PI4KA: variants seen among roughly 807,000 people sequenced by gnomAD.
PI4KA encodes PI4-kinase alpha.
Under a neutral mutation model 271.4 loss-of-function variants are expected in PI4KA, and 122 were observed. The ratio of observed to expected loss-of-function variants is 0.45; its 90% CI spans 0.39 to 0.52. The LOEUF (loss-of-function observed/expected upper bound fraction) is 0.52. Ranked by LOEUF, PI4KA falls within the 20% of genes least tolerant of loss-of-function variation. The pLI is 0.00. For missense variants in PI4KA, 1,969 were observed against 2,769.1 expected, an observed-to-expected ratio of 0.71 and a Z score of 6.48; for synonymous variants, 1,041 against 1,078.8, an observed-to-expected ratio of 0.96 and a Z score of 0.69.
At chr22:20,766,964 G>A (rs1569007276) in intron 19 of PI4KA, among the ~76,000 whole-genome samples, 1 of 152,072 alleles carries the variant, frequency 6.6e-6, no homozygotes, top group South Asian at 2.1e-4. Context: ...AAGCAATTTG[G>A]TAATATGCAT....
chr22:20,760,663 T>A (rs1427813930), intron 23 of PI4KA, among the ~76,000 whole-genome samples: 1 of 152,148 alleles, frequency 6.6e-6, no homozygotes, highest in Admixed American at 6.5e-5. Flanking sequence ...CCTTCCCAGT[T>A]TCCATCTCTC....
At chr22:20,835,663 TGAAGACTG>T (rs927570603) in intron 2 of PI4KA, among the ~76,000 whole-genome samples, 1 of 150,996 alleles carries the variant, frequency 6.6e-6, no homozygotes, top group Non-Finnish European at 1.5e-5. Context: ...GCATGGGAGG[TGAAGACTG>T]CAGTAAGTCA....
At chr22:20,763,514 A>G (rs1377973570) in intron 22 of PI4KA, among the ~76,000 whole-genome samples, 2 of 149,078 alleles carry the variant, frequency 1.3e-5, no homozygotes, top group Non-Finnish European at 3.0e-5. Context: ...ATCTCAGCTC[A>G]CTACAAGCTC....
chr22:20,763,263 C>T (rs544189737), intron 22 of PI4KA, among the ~76,000 whole-genome samples: 42 of 151,944 alleles, frequency 2.8e-4, no homozygotes, highest in Non-Finnish European at 5.3e-4. Flanking sequence ...AGGCATGCAC[C>T]ACCACATCCA....
In PI4KA at chr22:20,820,014, T is replaced by G. The variant is rs1041939747; in HGVS notation, c.530-114A>C. 49 of 947,574 alleles carry G rather than the reference T, an allele frequency of 5.2e-5. No individual in the cohort carries two copies. In the African/African-American group the frequency reaches 8.0e-4, roughly 15 times the overall value. The allele number at this position is 947,574 out of a possible 1,614,324, so 58.7% of individuals were successfully genotyped here. ...TTCACAACCCACCCACTAATAACTG[T>G]GAAGGTTCACAATAAGCCACAATAA... On this transcript the variant is annotated intron_variant, in intron 5 of 54. Coordinates refer to ENST00000255882, the MANE Select transcript of PI4KA (RefSeq NM_058004.4).
intron 45 of PI4KA, among the ~76,000 whole-genome samples, chr22:20,715,695 G>A (rs1222059249): frequency 7.3e-5 from 11 of 151,182 alleles, no homozygotes; most frequent in Non-Finnish European, 1.3e-4. Context: ...GGCTGGTCTG[G>A]AACTCCTTAC....
At chr22:20,804,433 T>A (rs1367169706) in intron 11 of PI4KA, 33 bp from the exon 12 acceptor site, 1 of 1,412,134 alleles carries the variant, frequency 7.1e-7, no homozygotes, top group South Asian at 1.1e-5. Flanking sequence ...AGATGAGTGA[T>A]CAGCACAGGC....
intron 35 of PI4KA, 24 bp from the exon 36 acceptor site, chr22:20,733,122 A>C: frequency 6.2e-7 from 1 of 1,611,826 alleles, no homozygotes; most frequent in South Asian, 1.1e-5. Flanking sequence ...TAAGAGGACA[A>C]GGGCTGAGTG....
intron 17 of PI4KA, among the ~76,000 whole-genome samples, chr22:20,796,964 T>TGG (rs778086016): frequency 1.8e-3 from 278 of 152,324 alleles, no homozygotes; most frequent in Middle Eastern, 0.01. Context: ...GACTCTGTCA[T>TGG]GTCCAAGCGG....
chr22:20,707,841 A>C lies in PI4KA; in HGVS notation c.*206T>G, dbSNP rs868642974. 1.5e-6 allele frequency: 1 copy of C among 667,690 alleles called. No homozygotes were observed. The highest frequency in any genetic ancestry group is 1.8e-5 in the African/African-American group (1 of 56,022). 41.4% of individuals were successfully genotyped at this position (667,690 alleles called of 1,614,324 possible). The stretch of plus-strand genomic sequence containing the variant: ...AGAGGACTCACACCTGTGCATAGAC[A>C]GCACCATCCATTGATTGTCGCTGCA... On this transcript the variant is annotated 3_prime_UTR_variant, in exon 55 of 55. Coordinates refer to ENST00000255882, the MANE Select transcript of PI4KA (RefSeq NM_058004.4).
At chr22:20,763,917 C>T (rs1932257860) in intron 22 of PI4KA, among the ~76,000 whole-genome samples, 2 of 152,170 alleles carry the variant, frequency 1.3e-5, no homozygotes, top group Non-Finnish European at 2.9e-5. Flanking sequence ...AACCAAAGCA[C>T]TCTGCCTTTC....
intron 19 of PI4KA, chr22:20,786,104 G>A (rs1283645272): frequency 6.2e-7 from 1 of 1,613,982 alleles, no homozygotes; most frequent in Non-Finnish European, 8.5e-7. Context: ...TGACAAAAAT[G>A]GCAACATGGC....
At chr22:20,785,378 C>T (rs868673844) in intron 19 of PI4KA, among the ~76,000 whole-genome samples, 1 of 152,182 alleles carries the variant, frequency 6.6e-6, no homozygotes, top group Admixed American at 6.5e-5. Flanking sequence ...GCCCATTTGA[C>T]TTTTAATTGA....
At chr22:20,771,600 TAGAC>T (rs1569013268) in intron 19 of PI4KA, among the ~76,000 whole-genome samples, 1 of 139,930 alleles carries the variant, frequency 7.1e-6, no homozygotes. Context: ...TTTATTTATT[TAGAC>T]AGAGTCTCAC....
chr22:20,806,901 C>A (rs1041180224), intron 10 of PI4KA, among the ~76,000 whole-genome samples: 1 of 151,548 alleles, frequency 6.6e-6, no homozygotes, highest in South Asian at 2.1e-4. Context: ...TGGCTAATTT[C>A]TTTTGTATTT....
intron 54 of PI4KA, among the ~76,000 whole-genome samples, chr22:20,708,487 A>G (rs1254908217): frequency 6.8e-6 from 1 of 148,052 alleles, no homozygotes; most frequent in African/African-American, 2.5e-5. Context: ...GCTTCCTATC[A>G]GCAAGAGCTC....
intron 42 of PI4KA, among the ~76,000 whole-genome samples, chr22:20,722,311 C>T (rs1305156644): frequency 1.3e-5 from 2 of 152,086 alleles, no homozygotes; most frequent in African/African-American, 4.8e-5. Context: ...CTCAGCCTCC[C>T]GAGTAGCTGG....
chr22:20,857,256 C>T (rs41281579), intron 1 of PI4KA, among the ~76,000 whole-genome samples: 10,451 of 152,252 alleles, frequency 0.069, 352 homozygotes, highest in East Asian at 0.079. Flanking sequence ...TCAGAGGTTC[C>T]ATTTTCCAAA....
intron 23 of PI4KA, among the ~76,000 whole-genome samples, chr22:20,759,597 ACT>A (rs1275933746): frequency 6.8e-6 from 1 of 147,036 alleles, no homozygotes; most frequent in Non-Finnish European, 1.5e-5. Context: ...ACAGAGTCTC[ACT>A]CTGTCACCAA....
Sources: gnomAD v4.1 joint callset for allele counts (sites outside exome capture counted in the v4.1 genomes callset) on GRCh38, gnomAD v4.1.1 for gene constraint, MANE v1.5 for transcripts, NCBI Gene and HGNC (gene_info 2026-07-23, HGNC 2026-07-21) for gene names.